The following ARHGAP29 variants were observed in gnomAD, a reference collection of about 807,000 sequenced individuals.
The protein encoded by ARHGAP29 is rho GTPase-activating protein 29.
In ARHGAP29, 43 loss-of-function variants were observed where a neutral mutation model predicts 122.6. That is an observed-to-expected ratio of 0.35 (90% CI 0.27 to 0.45). ARHGAP29 has a LOEUF of 0.45. Ranked by LOEUF, ARHGAP29 falls within the 20% of genes least tolerant of loss-of-function variation. The pLI, the probability that ARHGAP29 is intolerant of heterozygous loss-of-function variation, is 1.00. For synonymous variants in ARHGAP29, 506 were observed against 497.1 expected, an observed-to-expected ratio of 1.02 and a Z score of -0.24; for missense variants, 1,303 against 1,477.2, an observed-to-expected ratio of 0.88 and a Z score of 1.93.
chr1:94,212,587 T>C (rs527818347), intron 3 of ARHGAP29, among the ~76,000 whole-genome samples: 6 of 152,252 alleles, frequency 3.9e-5, no homozygotes, highest in African/African-American at 1.4e-4. Flanking sequence ...CTTTCTTGTA[T>C]TTTTTTATCA....
At chr1:94,264,656 C>T (rs559222062) in intron 1 of ARHGAP29, among the ~76,000 whole-genome samples, 2 of 152,238 alleles carry the variant, frequency 1.3e-5, no homozygotes, top group East Asian at 3.9e-4. Context: ...ACCTGGGGCT[C>T]AGTCACCTGG....
chr1:94,272,734 A>T (rs577118781), intron 1 of ARHGAP29, among the ~76,000 whole-genome samples: 2 of 152,236 alleles, frequency 1.3e-5, no homozygotes, highest in Admixed American at 6.5e-5. Context: ...CCTTCCACGG[A>T]GGTCAGACCT....
intron 1 of ARHGAP29, among the ~76,000 whole-genome samples, chr1:94,255,047 G>T (rs1321673997): frequency 6.6e-6 from 1 of 152,168 alleles, no homozygotes; most frequent in Non-Finnish European, 1.5e-5. Flanking sequence ...TGTGTTATAG[G>T]TTGAACTGTG....
chr1:94,312,238 A>C, the ARHGAP29 span, among the ~76,000 whole-genome samples: 1 of 152,210 alleles, frequency 6.6e-6, no homozygotes, highest in South Asian at 2.1e-4. Context: ...TTGTCAGGAT[A>C]ATCAATGAAC....
chr1:94,247,567 C>T (rs1437004312), intron 1 of ARHGAP29, among the ~76,000 whole-genome samples: 2 of 151,402 alleles, frequency 1.3e-5, no homozygotes, highest in Non-Finnish European at 2.9e-5. Flanking sequence ...ACACTCACCA[C>T]GGCGCTCCAT....
chr1:94,184,511 G>C (rs1230613568), intron 18 of ARHGAP29, among the ~76,000 whole-genome samples: 1 of 152,112 alleles, frequency 6.6e-6, no homozygotes, highest in Non-Finnish European at 1.5e-5. Flanking sequence ...CTGGGAGGTG[G>C]AGGCGGGAAG....
chr1:94,298,510 T>C, the ARHGAP29 span, among the ~76,000 whole-genome samples: 4 of 152,214 alleles, frequency 2.6e-5, no homozygotes, highest in African/African-American at 4.8e-5. Flanking sequence ...TGTATTCAAG[T>C]GGTCTCTCAA....
the ARHGAP29 span, among the ~76,000 whole-genome samples, chr1:94,282,584 G>A: frequency 6.6e-6 from 1 of 152,186 alleles, no homozygotes; most frequent in South Asian, 2.1e-4. Context: ...ATGACCACAC[G>A]TGGTCAAAGT....
rs1346357294 is a variant in ARHGAP29 at position 94,203,980 on chromosome 1, T to C, written c.712A>G (p.Arg238Gly). ...KKLNLELEST[R>G]NMVKLAEATR... ...GCCTCTGCCAACTTGACCATATTTCTAGTGGACTCCAATTCTGAAAAGTTC... is the reference window on the plus strand; with the variant it reads ...GCCTCTGCCAACTTGACCATATTTCCAGTGGACTCCAATTCTGAAAAGTTC... Residue 238 changes from arginine (R) to glycine (G), a missense_variant, in exon 8 of 23, where the codon AGA (arginine) becomes GGA (glycine). Transcript: ENST00000260526. 14 of 1,613,880 alleles carry C rather than the reference T, an allele frequency of 8.7e-6. No homozygotes were observed. Among genetic ancestry groups the C allele is most frequent in the Non-Finnish European group, 1.2e-5 (14 of 1,179,922 alleles).
intron 1 of ARHGAP29, among the ~76,000 whole-genome samples, chr1:94,249,933 C>T (rs1163491732): frequency 6.6e-6 from 1 of 151,904 alleles, no homozygotes; most frequent in East Asian, 1.9e-4. Context: ...TGGGCCCCCA[C>T]TAAGAATTTT....
Position 94,173,896 on chromosome 1 carries a change from G to T in ARHGAP29, c.3759C>A (p.Leu1253=). The T allele has an allele frequency of 6.2e-7, 1 of 1,604,022 alleles. No homozygotes were observed. The highest frequency in any genetic ancestry group is 1.1e-5 in the South Asian group (1 of 90,456). The change falls in exon 23 of 23, where the codon CTC becomes CTA. Residue 1253 remains leucine (L), a synonymous_variant. Coordinates refer to ENST00000260526, the MANE Select transcript of ARHGAP29 (RefSeq NM_004815.4). ...RLKRMQQFED[L]EGEIPQFV ...ACACAAATTGTGGAATTTCACCTTC[G>T]AGGTCTTCAAACTGTTGCATTCGTT...
At chr1:94,264,132 C>T (rs1029905465) in intron 1 of ARHGAP29, among the ~76,000 whole-genome samples, 8 of 152,296 alleles carry the variant, frequency 5.3e-5, no homozygotes, top group African/African-American at 1.9e-4. Flanking sequence ...CAAACTTATT[C>T]ACAATCTTGG....
chr1:94,243,199 T>C (rs1225982985), intron 1 of ARHGAP29, among the ~76,000 whole-genome samples: 1 of 148,508 alleles, frequency 6.7e-6, no homozygotes, highest in Non-Finnish European at 1.5e-5. Flanking sequence ...TCAATCAACT[T>C]GACCTGATAG....
At chr1:94,223,093 G>A (rs902069779) in intron 2 of ARHGAP29, among the ~76,000 whole-genome samples, 26 of 152,072 alleles carry the variant, frequency 1.7e-4, no homozygotes, top group Non-Finnish European at 3.5e-4. Context: ...ACAGGCGCCC[G>A]CCACCACACC....
intron 19 of ARHGAP29, among the ~76,000 whole-genome samples, chr1:94,182,553 G>C (rs1375069700): frequency 1.3e-5 from 2 of 152,034 alleles, no homozygotes. Flanking sequence ...CAAGCTTTCA[G>C]AGACAAAATC....
At chr1:94,287,923 T>A in the ARHGAP29 span, among the ~76,000 whole-genome samples, 1 of 152,192 alleles carries the variant, frequency 6.6e-6, no homozygotes, top group Admixed American at 6.5e-5. Context: ...TTGGGTTGGG[T>A]CCAAGTCTCT....
chr1:94,214,213 G>A lies in ARHGAP29; in HGVS notation c.341-4863C>T, dbSNP rs145576309. Among the ~76,000 whole-genome samples the A allele has an allele frequency of 9.8e-5, 15 of 152,324 alleles. No homozygotes were observed. The East Asian group carries it at 2.9e-3, about 29-fold the overall frequency. On this transcript the variant is annotated intron_variant, in intron 3 of 22. Coordinates refer to ENST00000260526, the MANE Select transcript of ARHGAP29 (RefSeq NM_004815.4). ...GAGGAATGACTGAGAAAACAAATGT[G>A]AAGCACCCAGAGTACAGTGCTTGAA...
rs1163104322 is a variant in ARHGAP29 at position 94,173,784 on chromosome 1, C to T, written c.*85G>A. On this transcript the variant is annotated 3_prime_UTR_variant, in exon 23 of 23. Transcript: ENST00000260526. ...ATTTGGCAGTCCTATACAAAAGAGGCCCTGTCAAAACATTCTTTCACAAAA... is the reference window on the plus strand; with the variant it reads ...ATTTGGCAGTCCTATACAAAAGAGGTCCTGTCAAAACATTCTTTCACAAAA... The T allele has an allele frequency of 1.4e-6, 2 of 1,478,540 alleles. No individual in the cohort carries two copies. The highest frequency in any genetic ancestry group is 4.4e-5 in the Admixed American group (2 of 45,546). The allele number at this position is 1,478,540 out of a possible 1,614,324, so 91.6% of individuals were successfully genotyped here.
intron 2 of ARHGAP29, among the ~76,000 whole-genome samples, chr1:94,230,925 G>A (rs1652885586): frequency 6.6e-6 from 1 of 150,964 alleles, no homozygotes; most frequent in Admixed American, 6.6e-5. Flanking sequence ...AGATGTTACA[G>A]ATCAGCAAAA....
Sources: gnomAD v4.1 joint callset for allele counts (sites outside exome capture counted in the v4.1 genomes callset) on GRCh38, gnomAD v4.1.1 for gene constraint, MANE v1.5 for transcripts, NCBI Gene and HGNC (gene_info 2026-07-23, HGNC 2026-07-21) for gene names.